The following SPINK13 variants were observed in gnomAD, a reference collection of about 807,000 sequenced individuals.
The protein encoded by SPINK13 is serine peptidase inhibitor Kazal type 13, also known as serine protease inhibitor Kazal-type 13.
A neutral mutation model predicts 11.0 loss-of-function variants in SPINK13; 11 were observed. That is an observed-to-expected ratio of 1.00 (90% CI 0.63 to 1.65). The LOEUF is 1.65. SPINK13 is among the 40% of genes most tolerant of loss of function. SPINK13 has a pLI of 0.00. For synonymous variants in SPINK13, 31 were observed against 35.6 expected (o/e 0.87, Z 0.46); for missense variants, 113 against 117.7 (o/e 0.96, Z 0.19).
At chr5:148,285,311 C>T (rs572983883) in intron 4 of SPINK13, among the ~76,000 whole-genome samples, 100 of 152,142 alleles carry the variant, frequency 6.6e-4, no homozygotes, top group African/African-American at 2.3e-3. Flanking sequence ...AAAGGTGAAC[C>T]TGATTATAGG....
intron 4 of SPINK13, among the ~76,000 whole-genome samples, chr5:148,283,167 G>A (rs1381175272): frequency 1.3e-5 from 2 of 151,994 alleles, no homozygotes; most frequent in Non-Finnish European, 2.9e-5. Context: ...TGCTTACCAG[G>A]GAAGCTCACC....
At chr5:148,278,103 A>G (rs1756458225) in intron 3 of SPINK13, among the ~76,000 whole-genome samples, 1 of 152,040 alleles carries the variant, frequency 6.6e-6, no homozygotes, top group Non-Finnish European at 1.5e-5. Context: ...TGTATTCTGG[A>G]GGGATTGCTC....
chr5:148,271,134 C>T (rs1756344444), intron 2 of SPINK13, among the ~76,000 whole-genome samples: 1 of 152,186 alleles, frequency 6.6e-6, no homozygotes, highest in South Asian at 2.1e-4. Flanking sequence ...GTTTGCATTT[C>T]CAGATCATCC....
chr5:148,275,131 C>T (rs1253143610), intron 3 of SPINK13, among the ~76,000 whole-genome samples: 1 of 152,130 alleles, frequency 6.6e-6, no homozygotes, highest in Non-Finnish European at 1.5e-5. Flanking sequence ...CTATTCCTCC[C>T]CTTGTCCCCG....
chr5:148,270,105 C>A lies in SPINK13; in HGVS notation c.33C>A (p.Phe11Leu). 2 of 1,613,992 alleles carry A rather than the reference C, an allele frequency of 1.2e-6. No individual in the cohort carries two copies. The highest frequency in any genetic ancestry group is 1.7e-6 in the Non-Finnish European group (2 of 1,179,938). ...CCTTTCCCCACAAGATTATATTTTT[C>A]CTGGTATGCTCTACTTTGACACATG... is the stretch of plus-strand genomic sequence containing the variant. MAAFPHKIIF[F>L]LVCSTLTHVA... The change falls in exon 2 of 5, where the codon TTC (phenylalanine) becomes TTA (leucine). Residue 11 changes from phenylalanine (F) to leucine (L), a missense_variant. Physicochemically the swap from Phe to Leu is conservative, Grantham distance 22. Transcript: ENST00000398450.
chr5:148,280,588 CCT>C (rs1756497971), intron 3 of SPINK13, among the ~76,000 whole-genome samples: 1 of 152,154 alleles, frequency 6.6e-6, no homozygotes, highest in South Asian at 2.1e-4. Flanking sequence ...CACTCCAGCC[CCT>C]GTCTGGTTAT....
intron 3 of SPINK13, among the ~76,000 whole-genome samples, chr5:148,279,091 C>CTTTTGTT (rs1756474606): frequency 1.9e-5 from 1 of 51,656 alleles, no homozygotes; most frequent in African/African-American, 8.0e-5. Context: ...GCAACCCCTG[C>CTTTTGTT]TTTTTTTTTT....
At chr5:148,282,575 T>C (rs1390067025) in intron 4 of SPINK13, among the ~76,000 whole-genome samples, 2 of 152,212 alleles carry the variant, frequency 1.3e-5, no homozygotes, top group African/African-American at 2.4e-5. Flanking sequence ...ATATGTCACA[T>C]TGACAAACCT....
intron 2 of SPINK13, chr5:148,271,044 C>G (rs569449030): frequency 6.6e-6 from 1 of 152,254 alleles, no homozygotes; most frequent in South Asian, 2.1e-4. Flanking sequence ...AAGTTTGTGA[C>G]AATTCATTAC....
At chr5:148,276,682 T>G (rs1217530331) in intron 3 of SPINK13, among the ~76,000 whole-genome samples, 3 of 152,132 alleles carry the variant, frequency 2.0e-5, no homozygotes, top group Non-Finnish European at 4.4e-5. Flanking sequence ...ACTGTTGCCT[T>G]GTAGTATAAT....
At chr5:148,272,023 G>T (rs1316115971) in intron 2 of SPINK13, among the ~76,000 whole-genome samples, 1 of 152,132 alleles carries the variant, frequency 6.6e-6, no homozygotes, top group African/African-American at 2.4e-5. Flanking sequence ...AAATATTCAT[G>T]TGTGCAGTTG....
At chr5:148,282,902 TTC>T (rs1756539119) in intron 4 of SPINK13, among the ~76,000 whole-genome samples, 1 of 152,234 alleles carries the variant, frequency 6.6e-6, no homozygotes, top group African/African-American at 2.4e-5. Flanking sequence ...CTGTGAGATC[TTC>T]TCTGTTGAGG....
chr5:148,273,672 G>A (rs13355381), intron 2 of SPINK13, among the ~76,000 whole-genome samples: 12,089 of 152,174 alleles, frequency 0.079, 1,564 homozygotes, highest in African/African-American at 0.28. Flanking sequence ...TCTAAATATC[G>A]TGCAGAATTT....
Position 148,282,160 on chromosome 5 carries a change from T to A in SPINK13, c.165T>A (p.Asn55Lys). The A allele has an allele frequency of 6.2e-7, 1 of 1,614,232 alleles. No homozygotes were observed. Among genetic ancestry groups the A allele is most frequent in the Non-Finnish European group, 8.5e-7 (1 of 1,180,038 alleles). ...LDPDYNADCP[N>K]VTAPVCASNG... ...CTGATTACAATGCAGACTGCCCCAA[T>A]GTGACAGCACCTGTTTGTGCCTCAA... Residue 55 changes from asparagine to lysine, a missense_variant, in exon 4 of 5, where the codon AAT (asparagine) becomes AAA (lysine). Coordinates refer to ENST00000398450, the MANE Select transcript of SPINK13 (RefSeq NM_001040129.3).
intron 2 of SPINK13, 89 bp from the exon 3 acceptor site, chr5:148,274,258 C>T (rs1756391919): frequency 2.5e-6 from 2 of 804,318 alleles, no homozygotes; most frequent in South Asian, 2.1e-5. Context: ...TTCAATTTTA[C>T]ATTATTCAAT....
intron 1 of SPINK13, 40 bp downstream of exon 1, chr5:148,268,928 G>C (rs568568213): frequency 3.3e-5 from 5 of 152,802 alleles, no homozygotes; most frequent in African/African-American, 1.2e-4. Flanking sequence ...GTCCAAGTCA[G>C]CGGTGGGATC....
chr5:148,276,376 C>T (rs1016039325), intron 3 of SPINK13, among the ~76,000 whole-genome samples: 1 of 152,120 alleles, frequency 6.6e-6, no homozygotes, highest in East Asian at 1.9e-4. Flanking sequence ...TTTGCCCATG[C>T]CTGTGTCCTA....
chr5:148,280,052 C>T lies in SPINK13; in HGVS notation c.109-2052C>T, dbSNP rs141812614. ...TAAGTTGATCTTCAATCTCTGATAT[C>T]CTTTCTTTTGCTTGATTGATTTGGC... On this transcript the variant is annotated intron_variant, in intron 3 of 4. Coordinates refer to ENST00000398450, the MANE Select transcript of SPINK13 (RefSeq NM_001040129.3). 3.3e-5 allele frequency among the ~76,000 whole-genome samples: 5 copies of T among 151,994 alleles called. No individual in the cohort carries two copies. In the South Asian group the frequency reaches 1.0e-3, roughly 31 times the overall value.
intron 4 of SPINK13, among the ~76,000 whole-genome samples, chr5:148,283,981 A>G (rs150558530): frequency 4.3e-4 from 65 of 152,332 alleles, no homozygotes; most frequent in South Asian, 8.3e-4. Flanking sequence ...TTTCAGGCTC[A>G]TCTAGGAAAT....
Sources: gnomAD v4.1 joint callset for allele counts (sites outside exome capture counted in the v4.1 genomes callset) on GRCh38, gnomAD v4.1.1 for gene constraint, MANE v1.5 for transcripts, NCBI Gene and HGNC (gene_info 2026-07-23, HGNC 2026-07-21) for gene names.